ANK3: variants seen among roughly 807,000 people sequenced by gnomAD.
The protein encoded by ANK3 is ankyrin 3, also known as ankyrin-3.
ANK3 carries 57 observed loss-of-function variants against 370.9 expected under a neutral mutation model. That is an observed-to-expected ratio of 0.15 (90% CI 0.12 to 0.19). The LOEUF is 0.19. ANK3 is among the 10% of genes least tolerant of loss of function. The probability of loss-of-function intolerance (pLI) is 1.00; values close to 1 mark genes in which losing one functional copy is unlikely to be tolerated. For synonymous variants in ANK3, 1,929 were observed against 1,946.3 expected (o/e 0.99, Z 0.23); for missense variants, 4,439 against 5,302.1 (o/e 0.84, Z 5.06).
chr10:60,108,876 C>T lies in ANK3; in HGVS notation c.3127G>A (p.Ala1043Thr). 1.2e-6 allele frequency: 2 copies of T among 1,614,116 alleles called. No homozygotes were observed. The highest frequency in any genetic ancestry group is 2.2e-5 in the East Asian group (1 of 44,872). Residue 1043 changes from alanine (A) to threonine (T), a missense_variant, in exon 27 of 44, where the codon GCC (alanine) becomes ACC (threonine). Around this residue, in one of 13 missense-constraint regions of ANK3, gnomAD observed 702 missense variants for 941.5 expected, o/e 0.75. Transcript: ENST00000280772. ...GGACCCATTTCTACCAGCCTACTGGCTAATCCCTCTCCTTCCACCATGGGG... is the reference window on the plus strand; with the variant it reads ...GGACCCATTTCTACCAGCCTACTGGTTAATCCCTCTCCTTCCACCATGGGG... ...PPPMVEGEGL[A>T]SRLVEMGPAG...
At position 60,070,384 on chromosome 10, in the gene ANK3, C is replaced by A. The variant is rs757254748; in HGVS notation, c.10497G>T (p.Gly3499=). The part of the protein sequence containing the change: ...KTPDKTDQKS[G]AQFFTLEGRH... ...TGCCTTCCAGTGTGAAGAACTGGGCCCCTGACTTCTGATCAGTCTTATCAG... is the reference window on the plus strand; with the variant it reads ...TGCCTTCCAGTGTGAAGAACTGGGCACCTGACTTCTGATCAGTCTTATCAG... Residue 3499 remains glycine (G), a synonymous_variant, in exon 37 of 44, where the codon GGG becomes GGT. Coordinates refer to ENST00000280772, the MANE Select transcript of ANK3 (RefSeq NM_020987.5). The surrounding 1 kb of genome is among the most constrained non-coding windows in gnomAD (Gnocchi z 5.7). 2.9e-5 allele frequency: 46 copies of A among 1,613,928 alleles called. No individual in the cohort carries two copies. The highest frequency in any genetic ancestry group is 3.6e-5 in the Non-Finnish European group (42 of 1,179,990).
At chr10:60,529,039 T>C (rs2076543523) in intron 2 of ANK3, among the ~76,000 whole-genome samples, 1 of 152,074 alleles carries the variant, frequency 6.6e-6, no homozygotes, top group South Asian at 2.1e-4. Flanking sequence ...GGGTTCACCA[T>C]TACCATGAAC....
intron 2 of ANK3, among the ~76,000 whole-genome samples, chr10:60,474,610 A>G (rs1489171728): frequency 6.6e-6 from 1 of 152,214 alleles, no homozygotes. Flanking sequence ...GCCTCTAGCA[A>G]TTGTGGCCTT....
At chr10:60,124,226 G>A (rs7902923) in intron 25 of ANK3, among the ~76,000 whole-genome samples, 28,334 of 152,150 alleles carry the variant, frequency 0.19, 5,846 homozygotes, top group African/African-American at 0.52. Context: ...GGCGCTATCT[G>A]TGCTGGCTCA....
intron 43 of ANK3, among the ~76,000 whole-genome samples, chr10:60,037,104 C>G (rs1011583021): frequency 6.6e-6 from 1 of 152,100 alleles, no homozygotes; most frequent in Admixed American, 6.5e-5. Context: ...TCCACTCTAC[C>G]CACCATGCTA....
intron 2 of ANK3, among the ~76,000 whole-genome samples, chr10:60,488,229 G>C (rs1259172868): frequency 2.0e-5 from 3 of 152,154 alleles, no homozygotes; most frequent in East Asian, 3.9e-4. Flanking sequence ...TTTGCCAAAA[G>C]TAGCTTGATT....
At chr10:60,580,129 A>C (rs1047518188) in intron 2 of ANK3, among the ~76,000 whole-genome samples, 1 of 152,244 alleles carries the variant, frequency 6.6e-6, no homozygotes, top group Non-Finnish European at 1.5e-5. Flanking sequence ...ATATTTCTTC[A>C]CATTCTTCAT....
At chr10:60,256,034 G>A (rs2097730064) in intron 7 of ANK3, among the ~76,000 whole-genome samples, 1 of 152,336 alleles carries the variant, frequency 6.6e-6, no homozygotes, top group Middle Eastern at 3.4e-3. Context: ...GAACTCCAAG[G>A]AAGGGGGCAC....
chr10:60,468,814 C>T (rs1173652879), intron 2 of ANK3, among the ~76,000 whole-genome samples: 1 of 151,076 alleles, frequency 6.6e-6, no homozygotes, highest in African/African-American at 2.4e-5. Flanking sequence ...TATTGCACAC[C>T]ATGCATTAAT....
rs535177114 is a variant in ANK3 at position 60,303,687 on chromosome 10, A to G, written c.115-24048T>C. Among the ~76,000 whole-genome samples the G allele has an allele frequency of 5.9e-5, 9 of 152,304 alleles. No individual in the cohort carries two copies. In the South Asian group the frequency reaches 6.2e-4, roughly 11 times the overall value. On this transcript the variant is annotated intron_variant, in intron 1 of 43. Coordinates refer to ENST00000280772, the MANE Select transcript of ANK3 (RefSeq NM_020987.5). ...TTAAGGAAAACAGTATGGGAGTTCAATGAAAAATTAAAAACAGAACTACCT... is the reference window on the plus strand; with the variant it reads ...TTAAGGAAAACAGTATGGGAGTTCAGTGAAAAATTAAAAACAGAACTACCT...
Position 60,073,906 on chromosome 10 carries a change from T to C in ANK3, c.6975A>G (p.Lys2325=). 1 of 1,613,976 alleles carries C rather than the reference T, an allele frequency of 6.2e-7. No individual in the cohort carries two copies. The highest frequency in any genetic ancestry group is 8.5e-7 in the Non-Finnish European group (1 of 1,179,992). The change falls in exon 37 of 44, where the codon AAA becomes AAG. Residue 2325 remains lysine (K), a synonymous_variant. Coordinates refer to ENST00000280772, the MANE Select transcript of ANK3 (RefSeq NM_020987.5). The stretch of plus-strand genomic sequence containing the variant: ...TGTGGACTTCTATTATACGCTCCAG[T>C]TTGGGTTTCATTTGGTTGTCCTTCT... ...HAEKDNQMKP[K]LERIIEVHIE...
intron 2 of ANK3, among the ~76,000 whole-genome samples, chr10:60,545,904 G>A (rs1183440666): frequency 6.6e-6 from 1 of 152,152 alleles, no homozygotes; most frequent in Non-Finnish European, 1.5e-5. Flanking sequence ...TCAGAAGGAG[G>A]CCTCAGCCCA....
intron 1 of ANK3, among the ~76,000 whole-genome samples, chr10:60,724,700 T>C (rs1235803647): frequency 6.6e-6 from 1 of 152,234 alleles, no homozygotes. Flanking sequence ...AAGTGTACTG[T>C]CTTGTAAACA....
chr10:60,616,821 G>A (rs192354989), intron 1 of ANK3, among the ~76,000 whole-genome samples: 1 of 152,242 alleles, frequency 6.6e-6, no homozygotes, highest in Non-Finnish European at 1.5e-5. Flanking sequence ...CACAGTGTAG[G>A]CAAGTGCCCA....
intron 2 of ANK3, among the ~76,000 whole-genome samples, chr10:60,538,388 C>G (rs1322717028): frequency 6.6e-6 from 1 of 151,926 alleles, no homozygotes; most frequent in East Asian, 1.9e-4. Flanking sequence ...CAGCAGGCTT[C>G]ATGCCACATT....
At chr10:60,720,984 AT>A (rs1459831256) in intron 1 of ANK3, among the ~76,000 whole-genome samples, 1 of 152,162 alleles carries the variant, frequency 6.6e-6, no homozygotes, top group Non-Finnish European at 1.5e-5. Context: ...CCAACCAAGC[AT>A]TTTTATGATT....
chr10:60,456,922 C>CTCCCTTGAGCCTGGGCCATGTGCTT (rs2064762962), intron 2 of ANK3, among the ~76,000 whole-genome samples: 2 of 152,150 alleles, frequency 1.3e-5, no homozygotes, highest in Non-Finnish European at 2.9e-5. Context: ...CTGCTCCTCT[C>CTCCCTTGAGCCTGGGCCATGTGCTT]TCCCTTGAGC....
intron 1 of ANK3, chr10:60,685,171 C>A: frequency 2.0e-6 from 1 of 512,360 alleles, no homozygotes; most frequent in Admixed American, 3.3e-5. Context: ...TGCCTGTCTG[C>A]CCTCCTGGAT....
chr10:60,334,210 C>T (rs536706307), intron 1 of ANK3, among the ~76,000 whole-genome samples: 2 of 152,136 alleles, frequency 1.3e-5, no homozygotes, highest in Non-Finnish European at 2.9e-5. Flanking sequence ...TTTTTACCAA[C>T]ACTTAATACA....
Sources: gnomAD v4.1 joint callset for allele counts (sites outside exome capture counted in the v4.1 genomes callset) on GRCh38, gnomAD v4.1.1 for gene constraint, gnomAD v4.1.1 regional missense constraint, Gnocchi (gnomAD v3.1) non-coding constraint, MANE v1.5 for transcripts, NCBI Gene and HGNC (gene_info 2026-07-23, HGNC 2026-07-21) for gene names.